WDR62: variants seen among roughly 807,000 people sequenced by gnomAD.
WDR62 encodes WD repeat domain 62, also known as WD repeat-containing protein 62.
Under a neutral mutation model 160.6 loss-of-function variants are expected in WDR62, and 112 were observed. The ratio of observed to expected loss-of-function variants is 0.70; its 90% CI spans 0.60 to 0.82. The LOEUF is 0.82. WDR62 is among the 40% of genes least tolerant of loss of function. The pLI is 0.00. For synonymous variants in WDR62, 792 were observed against 815.1 expected (o/e 0.97, Z 0.48); for missense variants, 1,819 against 1,983.8 (o/e 0.92, Z 1.58).
At chr19:36,110,405 A>G in the WDR62 span, among the ~76,000 whole-genome samples, 1 of 151,286 alleles carries the variant, frequency 6.6e-6, no homozygotes, top group Non-Finnish European at 1.5e-5. Flanking sequence ...CGGGAGGTGG[A>G]GGTTCCAGTG....
Position 36,065,978 on chromosome 19 carries a change from C to T in WDR62, c.353C>T (p.Ala118Val), listed in dbSNP as rs1224738326. Residue 118 changes from alanine (A) to valine (V), a missense_variant, in exon 4 of 32, where the codon GCC becomes GTC. Ala to Val is a moderately conservative substitution (Grantham distance 64). Around this residue, in one of 3 missense-constraint regions of WDR62, gnomAD observed 934 missense variants for 1,157.2 expected, o/e 0.81. Coordinates refer to ENST00000401500, the MANE Select transcript of WDR62 (RefSeq NM_001083961.2). Reference sequence around the variant, plus strand: ...CCCAGGAAGTCTCTCAGTGCTCTGGCCTTCTCCCCTGATGGGAAGTACATA... The same window carrying T: ...CCCAGGAAGTCTCTCAGTGCTCTGGTCTTCTCCCCTGATGGGAAGTACATA... ...NTARKSLSAL[A>V]FSPDGKYIVT... 6.2e-7 allele frequency: 1 copy of T among 1,614,084 alleles called. No individual in the cohort carries two copies. The highest frequency in any genetic ancestry group is 8.5e-7 in the Non-Finnish European group (1 of 1,180,040).
chr19:36,097,186 G>A, intron 21 of WDR62, 107 bp downstream of exon 21: 7 of 1,084,912 alleles, frequency 6.5e-6, no homozygotes, highest in Non-Finnish European at 8.3e-6. Flanking sequence ...TTTCCCTGGA[G>A]AAGCCCTGTC....
intron 7 of WDR62, among the ~76,000 whole-genome samples, chr19:36,068,725 A>G (rs1278050275): frequency 6.6e-6 from 1 of 152,266 alleles, no homozygotes; most frequent in Non-Finnish European, 1.5e-5. Context: ...TTCTTAGTAC[A>G]GAACAAAATG....
rs754293029 is a variant in WDR62, at chr19:36,103,831, A to C, written c.4003A>C (p.Ser1335Arg). The C allele has an allele frequency of 1.9e-5, 30 of 1,605,878 alleles. No homozygotes were observed. The highest frequency in any genetic ancestry group is 2.4e-5 in the Non-Finnish European group (28 of 1,179,382). The change falls in exon 30 of 32, where the codon AGC becomes CGC. Residue 1335 changes from serine (S) to arginine (R), a missense_variant. This residue lies in a region of WDR62 where 770 missense variants were observed against 734.2 expected (regional missense o/e 1.05). Coordinates refer to ENST00000401500, the MANE Select transcript of WDR62 (RefSeq NM_001083961.2). Reference protein sequence around the residue: ...SFPAPSPVEESALRLHGSAFR... With the variant: ...SFPAPSPVEERALRLHGSAFR... ...CCCAGCCCCTAGCCCTGTGGAAGAG[A>C]GCGCCCTGAGGCTCCACGGCTCTGC...
intron 7 of WDR62, among the ~76,000 whole-genome samples, chr19:36,069,003 T>A (rs1199375429): frequency 6.8e-6 from 1 of 146,328 alleles, no homozygotes; most frequent in East Asian, 2.1e-4. Context: ...CCTCCCTCCC[T>A]GACGGGCCGG....
At chr19:36,065,753 C>T (rs1030850540) in intron 3 of WDR62, among the ~76,000 whole-genome samples, 1 of 152,228 alleles carries the variant, frequency 6.6e-6, no homozygotes, top group African/African-American at 2.4e-5. Context: ...CGGAAGGGGC[C>T]TTTGCATTTA....
intron 9 of WDR62, among the ~76,000 whole-genome samples, chr19:36,078,801 A>C (rs1230003354): frequency 2.1e-5 from 3 of 143,316 alleles, no homozygotes; most frequent in Non-Finnish European, 4.5e-5. Context: ...GTGCCATTGC[A>C]CTCCAGCCTG....
chr19:36,100,479 C>T (rs1973260601), intron 22 of WDR62, among the ~76,000 whole-genome samples: 1 of 152,246 alleles, frequency 6.6e-6, no homozygotes, highest in Non-Finnish European at 1.5e-5. Flanking sequence ...TCTGACCTCT[C>T]ACCAAGGACT....
rs757339378 is a variant in WDR62, at chr19:36,092,692, C to T, written c.2214C>T (p.Cys738=). ...TGTCTCTCTTTGACCTCCGCAGCTGCGTGTTCATCTGGCACCTGGGCCCGG... is the reference window on the plus strand; with the variant it reads ...TGTCTCTCTTTGACCTCCGCAGCTGTGTGTTCATCTGGCACCTGGGCCCGG... ...HHLITVSGDS[C]VFIWHLGPEI... Residue 738 remains cysteine (C), a synonymous_variant, in exon 19 of 32, where the codon TGC becomes TGT. Coordinates refer to ENST00000401500, the MANE Select transcript of WDR62 (RefSeq NM_001083961.2). The T allele has an allele frequency of 2.5e-6, 4 of 1,614,038 alleles. No homozygotes were observed. The Admixed American group carries it at 6.7e-5, about 27-fold the overall frequency.
chr19:36,075,581 G>C (rs1279855013), intron 9 of WDR62, among the ~76,000 whole-genome samples: 1 of 152,092 alleles, frequency 6.6e-6, no homozygotes, highest in East Asian at 1.9e-4. Context: ...GAGTAGCTGG[G>C]ATTACAGGCA....
intron 9 of WDR62, among the ~76,000 whole-genome samples, chr19:36,074,869 C>T (rs1473343222): frequency 1.3e-5 from 2 of 152,272 alleles, no homozygotes; most frequent in East Asian, 3.9e-4. Context: ...CCCAGTTCTG[C>T]TCTCTCTCGC....
At chr19:36,083,415 C>T (rs1385870319) in intron 11 of WDR62, among the ~76,000 whole-genome samples, 174 bp downstream of exon 11, 1 of 152,190 alleles carries the variant, frequency 6.6e-6, no homozygotes, top group Admixed American at 6.5e-5. Flanking sequence ...TAAGAGGCTT[C>T]CAGAAGGGCT....
At chr19:36,092,551 C>A in intron 18 of WDR62, 138 bp from the exon 19 acceptor site, 2 of 1,224,538 alleles carry the variant, frequency 1.6e-6, no homozygotes, top group Non-Finnish European at 2.4e-6. Context: ...CTGCACTAAG[C>A]GGATAGGGGT....
chr19:36,085,414 C>CTTT (rs35753706), intron 12 of WDR62, among the ~76,000 whole-genome samples: 1,338 of 70,170 alleles, frequency 0.019, 161 homozygotes, highest in African/African-American at 0.057. Context: ...CACACCTGAC[C>CTTT]TTTTTTTTTT....
intron 13 of WDR62, among the ~76,000 whole-genome samples, chr19:36,088,424 TG>T (rs1437465534): frequency 6.6e-6 from 1 of 152,216 alleles, no homozygotes; most frequent in South Asian, 2.1e-4. Flanking sequence ...CCATGCCCAT[TG>T]TACGGACCGG....
At chr19:36,069,755 G>A (rs61516520) in intron 7 of WDR62, among the ~76,000 whole-genome samples, 1,589 of 152,376 alleles carry the variant, frequency 0.01, 12 homozygotes, top group South Asian at 0.042. Context: ...TCGGGAGGCC[G>A]AGGCTGGCGG....
At chr19:36,073,240 T>TG in intron 8 of WDR62, 102 bp from the exon 9 acceptor site, 1 of 1,087,558 alleles carries the variant, frequency 9.2e-7, no homozygotes, top group Non-Finnish European at 1.4e-6. Flanking sequence ...ACAAATACCA[T>TG]GAGGGATGGC....
chr19:36,055,252 C>T, intron 1 of WDR62, 104 bp downstream of exon 1: 1 of 1,336,480 alleles, frequency 7.5e-7, no homozygotes. Flanking sequence ...GGCCAGTCCC[C>T]TCAGGTTGTT....
chr19:36,083,124 T>C lies in WDR62; in HGVS notation c.1433T>C (p.Phe478Ser), dbSNP rs1198507594. ...CAGCACCTGCAGGACATGTCACACTTCCCAGACCGGGGGAGCGAGAATGGG... is the reference window on the plus strand; with the variant it reads ...CAGCACCTGCAGGACATGTCACACTCCCCAGACCGGGGGAGCGAGAATGGG... ...DIQHLQDMSH[F>S]PDRGSENGTP... Residue 478 changes from phenylalanine (F) to serine (S), a missense_variant, in exon 11 of 32, where the codon TTC (phenylalanine) becomes TCC (serine). Around this residue, in one of 3 missense-constraint regions of WDR62, gnomAD observed 934 missense variants for 1,157.2 expected, o/e 0.81. Coordinates refer to ENST00000401500, the MANE Select transcript of WDR62 (RefSeq NM_001083961.2). 6.2e-7 allele frequency: 1 copy of C among 1,613,602 alleles called. No homozygotes were observed. Among genetic ancestry groups the C allele is most frequent in the Non-Finnish European group, 8.5e-7 (1 of 1,179,854 alleles).
Sources: allele counts gnomAD v4.1 joint callset (sites outside exome capture counted in the v4.1 genomes callset), GRCh38; gene constraint gnomAD v4.1.1; regional missense constraint gnomAD v4.1.1; transcripts MANE v1.5; gene names NCBI Gene and HGNC (gene_info 2026-07-23, HGNC 2026-07-21).